DCAF8L2: variants seen among roughly 807,000 people sequenced by gnomAD.
The protein encoded by DCAF8L2 is DDB1- and CUL4-associated factor 8-like protein 2.
For missense variants in DCAF8L2, 430 were observed against 490.7 expected, an observed-to-expected ratio of 0.88 and a Z score of 1.17; for synonymous variants, 200 against 190.9, an observed-to-expected ratio of 1.05 and a Z score of -0.39.
chrX:27,647,831 G>T (rs969695079), intron 2 of DCAF8L2, among the ~76,000 whole-genome samples: 1 of 111,521 alleles, frequency 9.0e-6, no homozygotes, highest in Non-Finnish European at 1.9e-5. Context: ...CTAGACTTGG[G>T]TTCAGGGAAG....
chrX:27,484,941 T>C, the DCAF8L2 span, among the ~76,000 whole-genome samples: 1 of 111,814 alleles, frequency 8.9e-6, no homozygotes, highest in East Asian at 2.8e-4. Flanking sequence ...GTTATATCTT[T>C]ACAAAGAGAA....
At chrX:27,644,594 A>G (rs2147191267) in intron 2 of DCAF8L2, among the ~76,000 whole-genome samples, 1 of 111,089 alleles carries the variant, frequency 9.0e-6, no homozygotes, top group East Asian at 2.9e-4. Context: ...TCAGGAAGCT[A>G]AGGGGAAGCC....
the DCAF8L2 span, among the ~76,000 whole-genome samples, chrX:27,543,299 G>A: frequency 8.9e-6 from 1 of 111,880 alleles, no homozygotes; most frequent in Non-Finnish European, 1.9e-5. Context: ...TTGTAGGTGT[G>A]CAGCTTTATT....
intron 4 of DCAF8L2, among the ~76,000 whole-genome samples, chrX:27,728,692 T>C (rs1921016164): frequency 8.9e-6 from 1 of 111,924 alleles, no homozygotes; most frequent in Non-Finnish European, 1.9e-5. Context: ...CTATTAGATA[T>C]AGATATAGAT....
chrX:27,494,117 G>T, the DCAF8L2 span, among the ~76,000 whole-genome samples: 1 of 111,679 alleles, frequency 9.0e-6, no homozygotes. Context: ...TATAGAAAAT[G>T]ACTTTTGCGG....
intron 1 of DCAF8L2, among the ~76,000 whole-genome samples, chrX:27,607,981 T>C (rs1243806275): frequency 8.9e-6 from 1 of 111,850 alleles, no homozygotes; most frequent in East Asian, 2.8e-4. Flanking sequence ...TAAGAAGTTA[T>C]GACATAGTTA....
chrX:27,711,401 GT>G (rs1241683825), intron 3 of DCAF8L2, among the ~76,000 whole-genome samples: 1 of 42,980 alleles, frequency 2.3e-5, no homozygotes, highest in African/African-American at 1.4e-4. Flanking sequence ...GTGTGTACGT[GT>G]GTGTGTGTGT....
the DCAF8L2 span, among the ~76,000 whole-genome samples, chrX:27,527,993 T>TATTAAATTAAATTTTTAATTTAATTA: frequency 2.8e-5 from 1 of 36,256 alleles, no homozygotes; most frequent in Non-Finnish European, 5.1e-5. Context: ...TTTAATTAAT[T>TATTAAATTAAATTTTTAATTTAATTA]ATTAAATTAA....
At chrX:27,542,019 A>G in the DCAF8L2 span, among the ~76,000 whole-genome samples, 1 of 111,684 alleles carries the variant, frequency 9.0e-6, no homozygotes, top group Non-Finnish European at 1.9e-5. Flanking sequence ...TGCAAAGGAC[A>G]TGATTTCATT....
upstream of DCAF8L2, among the ~76,000 whole-genome samples, chrX:27,589,272 T>C (rs768946158): frequency 3.6e-5 from 4 of 111,709 alleles, no homozygotes; most frequent in Non-Finnish European, 7.5e-5. Context: ...AGAGAGGTTA[T>C]ATATTGTATT....
chrX:27,497,209 C>T, the DCAF8L2 span, among the ~76,000 whole-genome samples: 4 of 111,478 alleles, frequency 3.6e-5, no homozygotes, highest in Admixed American at 3.8e-4. Context: ...TAAATACACT[C>T]GCCCCTGCTG....
chrX:27,722,644 C>G (rs778973806), intron 4 of DCAF8L2, among the ~76,000 whole-genome samples: 1 of 109,814 alleles, frequency 9.1e-6, no homozygotes, highest in Non-Finnish European at 1.9e-5. Context: ...TGAGGATTGT[C>G]TGTGTGTGTG....
At chrX:27,653,725 T>TACACACACACACACACAC (rs34651746) in intron 2 of DCAF8L2, among the ~76,000 whole-genome samples, 2 of 92,070 alleles carry the variant, frequency 2.2e-5, no homozygotes, top group African/African-American at 8.1e-5. Context: ...CAGATATGTA[T>TACACACACACACACACAC]ACACACACAC....
At chrX:27,684,884 G>A (rs59471219) in intron 3 of DCAF8L2, among the ~76,000 whole-genome samples, 2 of 111,151 alleles carry the variant, frequency 1.8e-5, no homozygotes, top group African/African-American at 3.3e-5. Context: ...TTGTAGGCCA[G>A]CTCAGTTACA....
the DCAF8L2 span, among the ~76,000 whole-genome samples, chrX:27,560,141 C>T: frequency 9.1e-6 from 1 of 109,290 alleles, no homozygotes; most frequent in African/African-American, 3.3e-5. Flanking sequence ...GTGGTGGGTG[C>T]CTGTAGTCCC....
chrX:27,485,689 G>A, the DCAF8L2 span, among the ~76,000 whole-genome samples: 3 of 111,019 alleles, frequency 2.7e-5, no homozygotes, highest in African/African-American at 9.8e-5. Flanking sequence ...TTTAGGCAAT[G>A]TTAAATCATA....
chrX:27,557,037 G>T, the DCAF8L2 span, among the ~76,000 whole-genome samples: 1,923 of 112,208 alleles, frequency 0.017, 16 homozygotes, highest in Non-Finnish European at 0.027. Context: ...CAGTAGTATA[G>T]AAAAAATATA....
chrX:27,677,098 A>G (rs1930164811), intron 2 of DCAF8L2: 1 of 111,801 alleles, frequency 8.9e-6, no homozygotes. Flanking sequence ...TATGGTGTTC[A>G]GTTCAACGCT....
chrX:27,525,523 T>C, the DCAF8L2 span, among the ~76,000 whole-genome samples: 1 of 111,938 alleles, frequency 8.9e-6, no homozygotes, highest in Non-Finnish European at 1.9e-5. Context: ...ATTTAGCCCA[T>C]TTACATTTAG....
Sources: allele counts gnomAD v4.1 joint callset (sites outside exome capture counted in the v4.1 genomes callset), GRCh38; gene constraint gnomAD v4.1.1; transcripts MANE v1.5; gene names NCBI Gene and HGNC (gene_info 2026-07-23, HGNC 2026-07-21).